The following MYO18B variants were observed in gnomAD, a reference collection of about 807,000 sequenced individuals.
MYO18B encodes unconventional myosin-XVIIIb.
A neutral mutation model predicts 273.0 loss-of-function variants in MYO18B; 204 were observed. The ratio of observed to expected loss-of-function variants is 0.75; its 90% confidence interval spans 0.67 to 0.84. The LOEUF (loss-of-function observed/expected upper bound fraction) is 0.84, where lower values mean the gene tolerates loss of function less well. Ranked by LOEUF, MYO18B falls within the 40% of genes least tolerant of loss-of-function variation. The probability of loss-of-function intolerance (pLI) is 0.00; values close to 1 mark genes in which losing one functional copy is unlikely to be tolerated. For synonymous variants in MYO18B, 1,330 were observed against 1,305.7 expected (o/e 1.02, Z -0.40); for missense variants, 3,212 against 3,287.6 (o/e 0.98, Z 0.56).
chr22:25,897,342 A>G (rs889910135), intron 28 of MYO18B: 1 of 152,236 alleles, frequency 6.6e-6, no homozygotes, highest in African/African-American at 2.4e-5. Context: ...GGGATTTTAT[A>G]AACAATGGAA....
chr22:26,005,575 G>A (rs967950431), intron 42 of MYO18B, among the ~76,000 whole-genome samples: 4 of 152,050 alleles, frequency 2.6e-5, no homozygotes, highest in South Asian at 4.1e-4. Flanking sequence ...AGCTCACTTG[G>A]TTTCCCTTTT....
chr22:25,785,052 G>A (rs959827613), intron 10 of MYO18B, among the ~76,000 whole-genome samples: 3 of 152,196 alleles, frequency 2.0e-5, no homozygotes, highest in South Asian at 2.1e-4. Flanking sequence ...ATGGAGTGGG[G>A]CTGTCATGAG....
At chr22:25,858,602 T>C (rs2090642060) in intron 21 of MYO18B, among the ~76,000 whole-genome samples, 2 of 152,360 alleles carry the variant, frequency 1.3e-5, no homozygotes, top group South Asian at 4.1e-4. Context: ...GAAAGCTCTT[T>C]GCAAAATTCT....
At chr22:25,873,401 A>T (rs773472287) in intron 22 of MYO18B, among the ~76,000 whole-genome samples, 1 of 151,610 alleles carries the variant, frequency 6.6e-6, no homozygotes, top group Non-Finnish European at 1.5e-5. Flanking sequence ...CCCTTCCCCC[A>T]CTGTCTCTGC....
chr22:25,892,733 T>C (rs1242903475), intron 27 of MYO18B: 3 of 152,214 alleles, frequency 2.0e-5, no homozygotes, highest in Admixed American at 6.5e-5. Context: ...GCAGGGAGGT[T>C]AATACAGATG....
intron 39 of MYO18B, among the ~76,000 whole-genome samples, chr22:25,980,180 G>A (rs992371014): frequency 6.6e-6 from 1 of 152,202 alleles, no homozygotes; most frequent in Admixed American, 6.5e-5. Flanking sequence ...TATCTGGCAT[G>A]TGTGTCCAGA....
intron 10 of MYO18B, among the ~76,000 whole-genome samples, chr22:25,782,055 A>G (rs1280134604): frequency 2.0e-5 from 3 of 152,230 alleles, no homozygotes; most frequent in East Asian, 1.9e-4. Context: ...TTCCTTTGTA[A>G]TGTGGAAACA....
intron 12 of MYO18B, among the ~76,000 whole-genome samples, chr22:25,809,048 A>C (rs1305289917): frequency 6.6e-6 from 1 of 152,030 alleles, no homozygotes; most frequent in East Asian, 1.9e-4. Flanking sequence ...GGTTCAAGAA[A>C]TTCTCTGCCT....
intron 42 of MYO18B, among the ~76,000 whole-genome samples, chr22:26,019,015 C>T (rs1935596354): frequency 1.3e-5 from 2 of 152,196 alleles, no homozygotes; most frequent in African/African-American, 4.8e-5. Context: ...GTCTCCCTTG[C>T]CAATCTCTTG....
At chr22:25,834,868 G>T (rs1157942809) in intron 16 of MYO18B, among the ~76,000 whole-genome samples, 2 of 152,210 alleles carry the variant, frequency 1.3e-5, no homozygotes, top group Non-Finnish European at 2.9e-5. Flanking sequence ...CTTCTTAGAG[G>T]AAACGATACA....
intron 1 of MYO18B, among the ~76,000 whole-genome samples, chr22:25,748,154 C>A (rs1003065901): frequency 6.6e-6 from 1 of 152,130 alleles, no homozygotes; most frequent in East Asian, 1.9e-4. Flanking sequence ...AAACTGGGGG[C>A]GGATTCCATC....
chr22:26,015,571 C>T (rs549170721), intron 42 of MYO18B, among the ~76,000 whole-genome samples: 6 of 152,248 alleles, frequency 3.9e-5, no homozygotes, highest in Admixed American at 2.6e-4. Flanking sequence ...AATACCACAT[C>T]ATCTCACTTA....
At chr22:25,859,723 T>C (rs760700455) in intron 21 of MYO18B, among the ~76,000 whole-genome samples, 18 of 152,210 alleles carry the variant, frequency 1.2e-4, no homozygotes, top group Non-Finnish European at 2.4e-4. Context: ...GTTTATCTTA[T>C]AGAGTTGTAC....
chr22:26,039,761 T>C, the MYO18B span, among the ~76,000 whole-genome samples: 17 of 152,134 alleles, frequency 1.1e-4, no homozygotes, highest in Non-Finnish European at 2.4e-4. Context: ...GTACCCAATA[T>C]GCAGTCTTTT....
chr22:25,884,763 C>G (rs1401319145), intron 25 of MYO18B: 1 of 152,194 alleles, frequency 6.6e-6, no homozygotes, highest in Non-Finnish European at 1.5e-5. Flanking sequence ...AGCTTGAGTT[C>G]CAGATGGCTG....
chr22:25,979,911 C>G (rs552714050), intron 39 of MYO18B, among the ~76,000 whole-genome samples: 89 of 152,222 alleles, frequency 5.8e-4, no homozygotes, highest in African/African-American at 2.0e-3. Context: ...CCATCAGGGA[C>G]TCCAAGAACC....
intron 11 of MYO18B, among the ~76,000 whole-genome samples, chr22:25,792,492 C>CTTTTTTTTTTTTTT (rs56047312): frequency 2.5e-4 from 8 of 32,398 alleles, no homozygotes; most frequent in African/African-American, 9.5e-4. Context: ...TTTTTTTTTT[C>CTTTTTTTTTTTTTT]TTTTCTTTTT....
chr22:25,869,142 A>G (rs2285190), intron 22 of MYO18B, among the ~76,000 whole-genome samples: 6,578 of 152,126 alleles, frequency 0.043, 207 homozygotes, highest in East Asian at 0.15. Flanking sequence ...GGGGAAAGGG[A>G]CACAGTTTAG....
chr22:26,011,730 C>T (rs1452294343), intron 42 of MYO18B, among the ~76,000 whole-genome samples: 2 of 152,188 alleles, frequency 1.3e-5, no homozygotes, highest in Admixed American at 1.3e-4. Flanking sequence ...GAATTTATTA[C>T]CAAGCCTGGC....
Sources: gnomAD v4.1 joint callset for allele counts (sites outside exome capture counted in the v4.1 genomes callset) on GRCh38, gnomAD v4.1.1 for gene constraint, MANE v1.5 for transcripts, NCBI Gene and HGNC (gene_info 2026-07-23, HGNC 2026-07-21) for gene names.